Variants in FANCL observed in about 807,000 individuals in gnomAD.
The protein encoded by FANCL is FA complementation group L.
Under a neutral mutation model 59.4 loss-of-function variants are expected in FANCL, and 69 were observed. That is an observed-to-expected ratio of 1.16 (90% confidence interval 0.96 to 1.42). FANCL has a LOEUF of 1.42. FANCL is among the 40% of genes most tolerant of loss of function. The pLI, the probability that FANCL is intolerant of heterozygous loss-of-function variation, is 0.00. For missense variants in FANCL, 519 were observed against 447.2 expected, an observed-to-expected ratio of 1.16 and a Z score of -1.45; for synonymous variants, 180 against 147.1, an observed-to-expected ratio of 1.22 and a Z score of -1.62.
At chr2:58,175,702 G>T (rs575562041) in intron 7 of FANCL, among the ~76,000 whole-genome samples, 137 of 152,298 alleles carry the variant, frequency 9.0e-4, no homozygotes, top group Middle Eastern at 3.4e-3. Flanking sequence ...AAAACTTGAA[G>T]CATTCCCTTT....
chr2:58,223,659 C>A (rs955654686), intron 4 of FANCL, among the ~76,000 whole-genome samples: 1 of 151,946 alleles, frequency 6.6e-6, no homozygotes, highest in Non-Finnish European at 1.5e-5. Context: ...GTTTTAAATA[C>A]TGACTTTAAC....
intron 7 of FANCL, among the ~76,000 whole-genome samples, chr2:58,170,586 A>G (rs1418445328): frequency 6.6e-6 from 1 of 152,112 alleles, no homozygotes; most frequent in Non-Finnish European, 1.5e-5. Flanking sequence ...TTGGATAAAC[A>G]GTGAAGACCC....
chr2:58,203,131 CCACT>C (rs1162462706), intron 6 of FANCL, among the ~76,000 whole-genome samples: 3 of 151,418 alleles, frequency 2.0e-5, no homozygotes, highest in Non-Finnish European at 4.4e-5. Context: ...GATTTCCATC[CCACT>C]AATTTTTTCC....
intron 7 of FANCL, among the ~76,000 whole-genome samples, chr2:58,172,635 G>A (rs1471427295): frequency 1.3e-5 from 2 of 152,152 alleles, no homozygotes; most frequent in Admixed American, 6.5e-5. Flanking sequence ...AAACCCATCT[G>A]TACATCACCA....
intron 7 of FANCL, among the ~76,000 whole-genome samples, chr2:58,175,463 T>G (rs1687194951): frequency 6.6e-6 from 1 of 151,674 alleles, no homozygotes; most frequent in South Asian, 2.1e-4. Flanking sequence ...ATCCCTGGGA[T>G]GCAAGGCTGG....
At chr2:58,236,481 C>T (rs1348479169) in intron 1 of FANCL, among the ~76,000 whole-genome samples, 1 of 149,304 alleles carries the variant, frequency 6.7e-6, no homozygotes, top group African/African-American at 2.5e-5. Flanking sequence ...AAAACACACA[C>T]ACACACAGCC....
At chr2:58,163,317 G>T in intron 9 of FANCL, 117 bp downstream of exon 9, 1 of 818,924 alleles carries the variant, frequency 1.2e-6, no homozygotes, top group Non-Finnish European at 2.0e-6. Flanking sequence ...GCAAAACTCC[G>T]TCTCAGACAA....
At chr2:58,162,490 T>C (rs1300179541) in intron 11 of FANCL, among the ~76,000 whole-genome samples, 1 of 151,942 alleles carries the variant, frequency 6.6e-6, no homozygotes, top group African/African-American at 2.4e-5. Flanking sequence ...GGTCTACTTA[T>C]ACACAGATTT....
chr2:58,162,852 C>G lies in FANCL; in HGVS notation c.903+14G>C. 3 of 1,603,086 alleles carry G rather than the reference C, an allele frequency of 1.9e-6. No homozygotes were observed. The highest frequency in any genetic ancestry group is 1.7e-6 in the Non-Finnish European group (2 of 1,171,078). ...CAATACTGTCTGGAATATCAAAACA[C>G]TGATAAAACTTACAGATTTTTCCAG... is the stretch of plus-strand genomic sequence containing the variant. On this transcript the variant is annotated intron_variant, in intron 11 of 13. Coordinates refer to ENST00000233741, the MANE Select transcript of FANCL (RefSeq NM_018062.4).
chr2:58,163,921 G>C (rs1406231898), intron 8 of FANCL, among the ~76,000 whole-genome samples: 2 of 151,736 alleles, frequency 1.3e-5, no homozygotes, highest in African/African-American at 4.8e-5. Context: ...TAGAACTATG[G>C]CCAAATGTAA....
intron 7 of FANCL, among the ~76,000 whole-genome samples, chr2:58,174,513 C>G (rs576927541): frequency 6.6e-6 from 1 of 152,278 alleles, no homozygotes; most frequent in South Asian, 2.1e-4. Flanking sequence ...TACATGGAAA[C>G]TGAACAACCT....
intron 7 of FANCL, among the ~76,000 whole-genome samples, chr2:58,181,041 C>G (rs531179794): frequency 6.6e-6 from 1 of 151,996 alleles, no homozygotes; most frequent in Non-Finnish European, 1.5e-5. Context: ...CCTACCTTAA[C>G]CTGGCAATTC....
chr2:58,165,951 C>CA, intron 7 of FANCL, 77 bp from the exon 8 acceptor site: 1 of 1,458,180 alleles, frequency 6.9e-7, no homozygotes, highest in South Asian at 1.2e-5. Flanking sequence ...AAAATACACT[C>CA]AATTTAGAAA....
intron 7 of FANCL, among the ~76,000 whole-genome samples, chr2:58,195,558 CAAGAG>C (rs1251212421): frequency 6.6e-6 from 1 of 151,854 alleles, no homozygotes; most frequent in African/African-American, 2.4e-5. Flanking sequence ...ACAGAAACCA[CAAGAG>C]AAGGATGTGA....
intron 7 of FANCL, among the ~76,000 whole-genome samples, chr2:58,183,791 T>A (rs1267521899): frequency 6.6e-6 from 1 of 151,940 alleles, no homozygotes; most frequent in Non-Finnish European, 1.5e-5. Context: ...AAAAATACAT[T>A]AAAGTTGATT....
chr2:58,198,100 T>A (rs531177206), intron 7 of FANCL, among the ~76,000 whole-genome samples: 2 of 151,978 alleles, frequency 1.3e-5, no homozygotes, highest in African/African-American at 4.8e-5. Context: ...TGTGTTTGTG[T>A]GTGCATGTAG....
rs778297632 is a variant in FANCL, at chr2:58,160,216, T to C, written c.1021-37A>G. 1.9e-5 allele frequency: 31 copies of C among 1,592,982 alleles called. 1 individual carries two copies. In the Middle Eastern group the frequency reaches 6.6e-4, roughly 34 times the overall value. ...AAAAGATAAAGGAGAAGCGTCAGCATGATTACAAATTACAGATACTCCAAA... is the reference window on the plus strand; with the variant it reads ...AAAAGATAAAGGAGAAGCGTCAGCACGATTACAAATTACAGATACTCCAAA... On this transcript the variant is annotated intron_variant, in intron 12 of 13. Transcript: ENST00000233741.
chr2:58,159,615 A>T lies in FANCL; in HGVS notation c.*150T>A. ...CCCAGTTTACTCTTAGTGAAGAGAC[A>T]AACGCAGATGTTTATTATTATCGCA... On this transcript the variant is annotated 3_prime_UTR_variant, in exon 14 of 14. Transcript: ENST00000233741. 1 of 1,613,864 alleles carries T rather than the reference A, an allele frequency of 6.2e-7. No homozygotes were observed. The highest frequency in any genetic ancestry group is 8.5e-7 in the Non-Finnish European group (1 of 1,179,818).
At chr2:58,207,004 C>T (rs1171067245) in intron 5 of FANCL, among the ~76,000 whole-genome samples, 3 of 152,150 alleles carry the variant, frequency 2.0e-5, no homozygotes, top group East Asian at 3.9e-4. Flanking sequence ...CCCCACTCAA[C>T]TCTCAATAAA....
Sources: allele counts gnomAD v4.1 joint callset (sites outside exome capture counted in the v4.1 genomes callset), GRCh38; gene constraint gnomAD v4.1.1; transcripts MANE v1.5; gene names NCBI Gene and HGNC (gene_info 2026-07-23, HGNC 2026-07-21).